EYA3: variants seen among roughly 807,000 people sequenced by gnomAD.
EYA3 encodes the protein protein phosphatase EYA3.
Under a neutral mutation model 80.0 loss-of-function variants are expected in EYA3, and 39 were observed. The ratio of observed to expected loss-of-function variants is 0.49; its 90% confidence interval spans 0.38 to 0.64. EYA3 has a LOEUF of 0.64. EYA3 is among the 30% of genes least tolerant of loss of function. The pLI is 0.00. For missense variants in EYA3, 523 were observed against 676.1 expected (o/e 0.77, Z 2.51); for synonymous variants, 206 against 232.8 (o/e 0.88, Z 1.05).
chr1:27,980,244 A>C (rs182311895), intron 16 of EYA3, among the ~76,000 whole-genome samples: 139 of 152,296 alleles, frequency 9.1e-4, no homozygotes, highest in African/African-American at 3.2e-3. Flanking sequence ...ACTAATAATA[A>C]ATTCTTATTA....
chr1:27,998,140 G>T, intron 12 of EYA3: 1 of 170,102 alleles, frequency 5.9e-6, no homozygotes, highest in Non-Finnish European at 1.2e-5. Flanking sequence ...AGAATCCTCT[G>T]GGGAAGTTTT....
Position 28,004,326 on chromosome 1 carries a change from C to T in EYA3, c.993+10G>A. 1 of 1,586,786 alleles carries T rather than the reference C, an allele frequency of 6.3e-7. No homozygotes were observed. The highest frequency in any genetic ancestry group is 8.6e-7 in the Non-Finnish European group (1 of 1,158,990). On this transcript the variant is annotated intron_variant, in intron 11 of 17. Transcript: ENST00000373871. ...AGAGGGACAGTTACAACAAAGAAGACTCAAATTACCTTTCCATATTTCTGG... is the reference window on the plus strand; with the variant it reads ...AGAGGGACAGTTACAACAAAGAAGATTCAAATTACCTTTCCATATTTCTGG...
intron 11 of EYA3, 98 bp downstream of exon 11, chr1:28,004,238 C>T (rs1383863530): frequency 1.1e-5 from 9 of 813,152 alleles, no homozygotes; most frequent in African/African-American, 3.4e-5. Context: ...AAAAGCCAGC[C>T]AACAGGGGTA....
intron 2 of EYA3, among the ~76,000 whole-genome samples, chr1:28,050,187 A>T (rs1644185621): frequency 6.3e-5 from 8 of 127,934 alleles, no homozygotes; most frequent in East Asian, 2.8e-4. Context: ...TATTATTATT[A>T]TTATTATTAT....
intron 5 of EYA3, among the ~76,000 whole-genome samples, chr1:28,038,462 A>C (rs1457719506): frequency 6.7e-6 from 1 of 149,348 alleles, no homozygotes; most frequent in Non-Finnish European, 1.5e-5. Context: ...AAAAAAAAAA[A>C]AACCGAACAC....
At chr1:28,086,692 A>G (rs1337380531) in intron 1 of EYA3, among the ~76,000 whole-genome samples, 1 of 152,212 alleles carries the variant, frequency 6.6e-6, no homozygotes, top group East Asian at 1.9e-4. Flanking sequence ...ACAAACCTGA[A>G]GGTAAGGAAG....
intron 2 of EYA3, among the ~76,000 whole-genome samples, chr1:28,052,158 G>T (rs1161673482): frequency 6.6e-6 from 1 of 152,076 alleles, no homozygotes; most frequent in African/African-American, 2.4e-5. Context: ...ACAGGTGCGT[G>T]CCACCATGCC....
chr1:28,010,714 C>G, intron 10 of EYA3: 3 of 468,764 alleles, frequency 6.4e-6, no homozygotes, highest in Non-Finnish European at 7.5e-6. Context: ...TTACTTGTAA[C>G]TCCCTCTGCT....
At chr1:27,985,009 C>A (rs1446907564) in intron 16 of EYA3, among the ~76,000 whole-genome samples, 1 of 152,296 alleles carries the variant, frequency 6.6e-6, no homozygotes, top group Non-Finnish European at 1.5e-5. Flanking sequence ...ATCCCGATCA[C>A]TCCCCTATTC....
intron 13 of EYA3, among the ~76,000 whole-genome samples, chr1:27,993,851 A>G (rs1195309864): frequency 6.6e-6 from 1 of 152,254 alleles, no homozygotes; most frequent in Non-Finnish European, 1.5e-5. Context: ...CACTAATGAC[A>G]GAAAATAACC....
intron 10 of EYA3, among the ~76,000 whole-genome samples, chr1:28,006,480 G>A (rs1158304493): frequency 6.6e-6 from 1 of 152,172 alleles, no homozygotes; most frequent in Non-Finnish European, 1.5e-5. Flanking sequence ...ACTGAAGCAG[G>A]TGGATCACAA....
intron 11 of EYA3, among the ~76,000 whole-genome samples, chr1:28,002,963 T>A (rs1273084213): frequency 6.6e-6 from 1 of 151,430 alleles, no homozygotes; most frequent in Non-Finnish European, 1.5e-5. Context: ...CTACTAAAAG[T>A]ACAAAAATTA....
At chr1:28,001,048 G>A (rs779961745) in intron 11 of EYA3, among the ~76,000 whole-genome samples, 1 of 152,066 alleles carries the variant, frequency 6.6e-6, no homozygotes, top group East Asian at 1.9e-4. Flanking sequence ...CTGCGTGACA[G>A]AGTGAGACTC....
chr1:27,977,293 T>TA, intron 17 of EYA3: 5 of 1,549,904 alleles, frequency 3.2e-6, no homozygotes, highest in Non-Finnish European at 4.4e-6. Context: ...CATAGTTTAT[T>TA]ATAGTTGCTA....
At chr1:28,001,098 A>G (rs1244340997) in intron 11 of EYA3, among the ~76,000 whole-genome samples, 2 of 151,332 alleles carry the variant, frequency 1.3e-5, no homozygotes, top group Non-Finnish European at 2.9e-5. Flanking sequence ...ATTTATACAC[A>G]TATCTATATC....
At chr1:27,987,831 C>T (rs766352435) in intron 16 of EYA3, among the ~76,000 whole-genome samples, 3 of 152,146 alleles carry the variant, frequency 2.0e-5, no homozygotes, top group Admixed American at 6.6e-5. Context: ...GGACTACAGG[C>T]GCCTGCCATC....
At chr1:28,027,527 T>G (rs771910210) in intron 7 of EYA3, among the ~76,000 whole-genome samples, 2 of 152,168 alleles carry the variant, frequency 1.3e-5, no homozygotes, top group Non-Finnish European at 2.9e-5. Flanking sequence ...CAAGGCGTTT[T>G]CTGGACACCA....
At chr1:28,045,289 T>G (rs943018550) in intron 3 of EYA3, among the ~76,000 whole-genome samples, 1 of 152,210 alleles carries the variant, frequency 6.6e-6, no homozygotes, top group Non-Finnish European at 1.5e-5. Context: ...TGATTTATTA[T>G]AATTACCTGA....
intron 16 of EYA3, among the ~76,000 whole-genome samples, chr1:27,984,695 G>A (rs1279052322): frequency 3.3e-5 from 5 of 152,014 alleles, no homozygotes; most frequent in Admixed American, 1.3e-4. Flanking sequence ...AATAAGCACC[G>A]TTATTATTTT....
Sources: gnomAD v4.1 joint callset for allele counts (sites outside exome capture counted in the v4.1 genomes callset) on GRCh38, gnomAD v4.1.1 for gene constraint, MANE v1.5 for transcripts, NCBI Gene and HGNC (gene_info 2026-07-23, HGNC 2026-07-21) for gene names.